ARL15: variants seen among roughly 807,000 people sequenced by gnomAD.
ARL15 encodes the protein ARF like GTPase 15.
Under a neutral mutation model 25.2 loss-of-function variants are expected in ARL15, and 19 were observed. The ratio of observed to expected loss-of-function variants is 0.75; its 90% CI spans 0.53 to 1.10. The LOEUF is 1.10. Ranked by LOEUF, ARL15 falls within the 50% of genes least tolerant of loss-of-function variation. The probability of loss-of-function intolerance (pLI) is 0.00; values close to 1 mark genes in which losing one functional copy is unlikely to be tolerated. For missense variants in ARL15, 220 were observed against 246.0 expected (o/e 0.89, Z 0.71); for synonymous variants, 94 against 86.8 (o/e 1.08, Z -0.46).
chr5:53,995,303 CAAAAAAA>C (rs34234639), intron 4 of ARL15, among the ~76,000 whole-genome samples: 4 of 44,682 alleles, frequency 9.0e-5, no homozygotes, highest in African/African-American at 1.7e-4. Context: ...GACTCCGTCA[CAAAAAAA>C]AAAAAAAAAA....
intron 4 of ARL15, among the ~76,000 whole-genome samples, chr5:53,917,838 T>C (rs1168734654): frequency 6.9e-6 from 1 of 145,088 alleles, no homozygotes; most frequent in Non-Finnish European, 1.5e-5. Flanking sequence ...TTGCTCCCTA[T>C]TTTTATGAGT....
chr5:54,062,529 A>C (rs1751101577), intron 4 of ARL15, among the ~76,000 whole-genome samples: 1 of 149,042 alleles, frequency 6.7e-6, no homozygotes, highest in Non-Finnish European at 1.5e-5. Context: ...AAAAAAAAAA[A>C]AAAACAACAG....
chr5:54,032,416 G>A (rs1750021708), intron 4 of ARL15, among the ~76,000 whole-genome samples: 1 of 151,896 alleles, frequency 6.6e-6, no homozygotes, highest in African/African-American at 2.4e-5. Context: ...TGTATTTTTA[G>A]CACAGACAGG....
intron 1 of ARL15, among the ~76,000 whole-genome samples, chr5:54,188,983 A>G (rs1048808780): frequency 6.6e-6 from 1 of 152,174 alleles, no homozygotes; most frequent in Admixed American, 6.5e-5. Flanking sequence ...TGTCACTGGC[A>G]AAGTCAATGT....
At chr5:54,206,224 T>G (rs1478563439) in intron 1 of ARL15, among the ~76,000 whole-genome samples, 1 of 152,178 alleles carries the variant, frequency 6.6e-6, no homozygotes, top group Non-Finnish European at 1.5e-5. Context: ...AATTAGGACT[T>G]CTCGAAGCTT....
At chr5:53,915,743 T>G (rs2111995604) in intron 4 of ARL15, among the ~76,000 whole-genome samples, 1 of 152,320 alleles carries the variant, frequency 6.6e-6, no homozygotes, top group Admixed American at 6.5e-5. Context: ...AAATTTACCC[T>G]TTTTCTTTAG....
intron 4 of ARL15, among the ~76,000 whole-genome samples, chr5:53,895,286 A>G (rs1580056345): frequency 6.6e-6 from 1 of 152,304 alleles, no homozygotes; most frequent in East Asian, 1.9e-4. Context: ...TGGGCTTTCC[A>G]GCTTGGCTGG....
At chr5:54,130,785 C>T (rs1015869958) in intron 3 of ARL15, among the ~76,000 whole-genome samples, 4 of 152,128 alleles carry the variant, frequency 2.6e-5, no homozygotes, top group African/African-American at 7.2e-5. Flanking sequence ...GACACAGGTA[C>T]ATAATCATCT....
At chr5:54,164,672 A>G (rs1754514561) in intron 2 of ARL15, among the ~76,000 whole-genome samples, 1 of 151,918 alleles carries the variant, frequency 6.6e-6, no homozygotes, top group Non-Finnish European at 1.5e-5. Flanking sequence ...TAACATAGCT[A>G]CCCCAACTTT....
intron 1 of ARL15, among the ~76,000 whole-genome samples, chr5:54,296,451 TGCAG>T (rs1314631098): frequency 1.3e-5 from 2 of 152,198 alleles, no homozygotes; most frequent in African/African-American, 2.4e-5. Context: ...AGAATGCAAA[TGCAG>T]GCAGTCTGGC....
chr5:54,194,552 G>A (rs534117746), intron 1 of ARL15, among the ~76,000 whole-genome samples: 1 of 152,292 alleles, frequency 6.6e-6, no homozygotes, highest in African/African-American at 2.4e-5. Context: ...AATGAAGCAT[G>A]TAGTCTAAAT....
At chr5:53,918,275 T>C (rs1214974545) in intron 4 of ARL15, among the ~76,000 whole-genome samples, 1 of 152,150 alleles carries the variant, frequency 6.6e-6, no homozygotes, top group African/African-American at 2.4e-5. Context: ...AAATTTGACA[T>C]CCTGCGCTGA....
intron 1 of ARL15, among the ~76,000 whole-genome samples, chr5:54,179,872 G>A (rs1398529229): frequency 6.6e-6 from 1 of 151,940 alleles, no homozygotes; most frequent in African/African-American, 2.4e-5. Flanking sequence ...ACAAAAATTA[G>A]CCAGGTGTAG....
intron 1 of ARL15, among the ~76,000 whole-genome samples, chr5:54,211,054 A>G (rs892269138): frequency 6.6e-6 from 1 of 152,198 alleles, no homozygotes; most frequent in African/African-American, 2.4e-5. Flanking sequence ...TCTTTACACA[A>G]AACGAAACTA....
intron 4 of ARL15, among the ~76,000 whole-genome samples, chr5:54,002,686 A>G (rs773027783): frequency 6.6e-6 from 1 of 152,246 alleles, no homozygotes; most frequent in Non-Finnish European, 1.5e-5. Context: ...CAGCATAATC[A>G]GTAATTTTAA....
rs576034321 is a variant in ARL15 at position 54,293,362 on chromosome 5, G to A, written c.48+17070C>T. On this transcript the variant is annotated intron_variant, in intron 1 of 4. Transcript: ENST00000504924. Reference sequence around the variant, plus strand: ...TGATTAATATATAATAATAATAAACGTGTAAGTAAATATCATAAATATAGG... The same window carrying A: ...TGATTAATATATAATAATAATAAACATGTAAGTAAATATCATAAATATAGG... 4.3e-4 allele frequency among the ~76,000 whole-genome samples: 66 copies of A among 152,146 alleles called. 1 individual carries two copies. The highest frequency in any genetic ancestry group is 7.9e-4 in the Non-Finnish European group (54 of 68,018).
At chr5:53,985,600 T>C (rs116735050) in intron 4 of ARL15, among the ~76,000 whole-genome samples, 393 of 152,310 alleles carry the variant, frequency 2.6e-3, no homozygotes, top group African/African-American at 9.1e-3. Flanking sequence ...TTTAGCGTAA[T>C]GTCCTCAGAA....
chr5:54,294,222 T>C (rs1329239978), intron 1 of ARL15, among the ~76,000 whole-genome samples: 1 of 152,232 alleles, frequency 6.6e-6, no homozygotes, highest in East Asian at 1.9e-4. Context: ...CAAATTCCAA[T>C]CTGTGGGAAA....
rs188114987 is a variant in ARL15 at position 54,309,540 on chromosome 5, C to T, written c.48+892G>A. Among the ~76,000 whole-genome samples the T allele has an allele frequency of 3.9e-5, 6 of 152,328 alleles. No individual in the cohort carries two copies. The East Asian group carries it at 1.2e-3, about 29-fold the overall frequency. Reference sequence around the variant, plus strand: ...TTTCTAACCGTCTACTTCAACTCTGCATGGCAATAGCGGTTCTGCCCAACA... The same window carrying T: ...TTTCTAACCGTCTACTTCAACTCTGTATGGCAATAGCGGTTCTGCCCAACA... On this transcript the variant is annotated intron_variant, in intron 1 of 4. Coordinates refer to ENST00000504924, the MANE Select transcript of ARL15 (RefSeq NM_019087.3).
Sources: allele counts gnomAD v4.1 joint callset (sites outside exome capture counted in the v4.1 genomes callset), GRCh38; gene constraint gnomAD v4.1.1; transcripts MANE v1.5; gene names NCBI Gene and HGNC (gene_info 2026-07-23, HGNC 2026-07-21).